The following DOCK3 variants were observed in gnomAD, a reference collection of about 807,000 sequenced individuals.
DOCK3 encodes dedicator of cytokinesis protein 3.
A neutral mutation model predicts 265.6 loss-of-function variants in DOCK3; 60 were observed. The ratio of observed to expected loss-of-function variants is 0.23; its 90% CI spans 0.18 to 0.28. The LOEUF (loss-of-function observed/expected upper bound fraction) is 0.28, where lower values mean the gene tolerates loss of function less well. Among genes scored for constraint, DOCK3 ranks in the 10% least tolerant of loss-of-function variants. DOCK3 has a pLI of 1.00. For missense variants in DOCK3, 1,981 were observed against 2,594.3 expected (o/e 0.76, Z 5.14); for synonymous variants, 881 against 938.0 (o/e 0.94, Z 1.11).
At chr3:51,342,621 G>A (rs1298946347) in intron 38 of DOCK3, among the ~76,000 whole-genome samples, 2 of 152,170 alleles carry the variant, frequency 1.3e-5, no homozygotes, top group Non-Finnish European at 2.9e-5. Flanking sequence ...TCTTTCCATG[G>A]GCACAGAGTA....
chr3:51,269,551 T>C (rs1281136530), intron 23 of DOCK3, among the ~76,000 whole-genome samples: 1 of 152,212 alleles, frequency 6.6e-6, no homozygotes, highest in Non-Finnish European at 1.5e-5. Flanking sequence ...AAGCCTGTTT[T>C]CCATGGCATA....
intron 2 of DOCK3, among the ~76,000 whole-genome samples, chr3:50,838,416 GCCTTAA>G (rs1392444856): frequency 6.6e-6 from 1 of 152,100 alleles, no homozygotes; most frequent in East Asian, 1.9e-4. Flanking sequence ...ATAAAACTTT[GCCTTAA>G]CCTTAAGTTC....
At chr3:50,712,827 C>T (rs2036858530) in intron 1 of DOCK3, among the ~76,000 whole-genome samples, 1 of 152,204 alleles carries the variant, frequency 6.6e-6, no homozygotes, top group South Asian at 2.1e-4. Flanking sequence ...TAATTTCAGC[C>T]CTTTTACATT....
intron 2 of DOCK3, among the ~76,000 whole-genome samples, chr3:50,809,273 T>C (rs888586227): frequency 6.6e-6 from 1 of 152,110 alleles, no homozygotes; most frequent in Non-Finnish European, 1.5e-5. Flanking sequence ...AAGGCTTGAG[T>C]AGGCTCCTCA....
intron 49 of DOCK3, among the ~76,000 whole-genome samples, chr3:51,370,641 G>C (rs2087605684): frequency 6.6e-6 from 1 of 152,248 alleles, no homozygotes; most frequent in Non-Finnish European, 1.5e-5. Flanking sequence ...GGTGCACTAT[G>C]TCAGTGCTGA....
intron 35 of DOCK3, among the ~76,000 whole-genome samples, chr3:51,336,665 C>G (rs2084898533): frequency 6.6e-6 from 1 of 152,142 alleles, no homozygotes; most frequent in African/African-American, 2.4e-5. Flanking sequence ...AGAAGTGATG[C>G]AGAGGTACAC....
intron 4 of DOCK3, among the ~76,000 whole-genome samples, chr3:50,915,379 T>G (rs190060714): frequency 2.0e-5 from 3 of 151,932 alleles, no homozygotes; most frequent in Non-Finnish European, 2.9e-5. Context: ...TGTTGTTTGG[T>G]CCCTGGAGGG....
intron 3 of DOCK3, among the ~76,000 whole-genome samples, chr3:50,859,931 G>C (rs2107491856): frequency 6.6e-6 from 1 of 152,208 alleles, no homozygotes; most frequent in African/African-American, 2.4e-5. Context: ...TGTACTTCTT[G>C]GCTGCCCACT....
At chr3:51,348,013 T>A (rs2085710780) in intron 38 of DOCK3, among the ~76,000 whole-genome samples, 1 of 152,230 alleles carries the variant, frequency 6.6e-6, no homozygotes, top group Admixed American at 6.5e-5. Flanking sequence ...TTGCTGAAGT[T>A]GCTTATCAGC....
chr3:50,988,345 C>T (rs917307188), intron 5 of DOCK3, among the ~76,000 whole-genome samples: 1 of 152,198 alleles, frequency 6.6e-6, no homozygotes, highest in Non-Finnish European at 1.5e-5. Context: ...ACCACCCCCC[C>T]ACAACCCCTG....
chr3:51,312,097 A>G lies in DOCK3; in HGVS notation c.3093+18A>G, dbSNP rs534306606. On this transcript the variant is annotated intron_variant, in intron 29 of 52. Coordinates refer to ENST00000266037, the MANE Select transcript of DOCK3 (RefSeq NM_004947.5). ...ACTTTAAGGTAGGCACTCCTGAAAT[A>G]TCCATCACTATTATTGCAATAACCT... 3.8e-6 allele frequency: 6 copies of G among 1,581,128 alleles called. No individual in the cohort carries two copies. In the Admixed American group the frequency reaches 8.9e-5, roughly 24 times the overall value.
chr3:50,737,030 T>C (rs892958969), intron 1 of DOCK3, among the ~76,000 whole-genome samples: 4 of 152,184 alleles, frequency 2.6e-5, no homozygotes, highest in Non-Finnish European at 4.4e-5. Flanking sequence ...GTTCGTATCC[T>C]TCGCCCACTT....
chr3:51,278,544 C>A (rs1489353264), intron 26 of DOCK3: 1 of 985,226 alleles, frequency 1.0e-6, no homozygotes, highest in Non-Finnish European at 1.2e-6. Flanking sequence ...TGTTCTGGAG[C>A]ACTGGGCTTG....
At chr3:51,357,710 G>T (rs1006250348) in intron 44 of DOCK3, 48 bp from the exon 45 acceptor site, 13 of 1,601,606 alleles carry the variant, frequency 8.1e-6, no homozygotes, top group Non-Finnish European at 1.0e-5. Context: ...CCCCACTTAA[G>T]TAGTAGTCCT....
intron 3 of DOCK3, among the ~76,000 whole-genome samples, chr3:50,864,582 A>C (rs1339505977): frequency 6.6e-6 from 1 of 152,086 alleles, no homozygotes; most frequent in Admixed American, 6.6e-5. Flanking sequence ...GCCAGGTCTT[A>C]CATTTAAGTT....
At chr3:51,257,657 G>T (rs1039672437) in intron 22 of DOCK3, among the ~76,000 whole-genome samples, 1 of 152,100 alleles carries the variant, frequency 6.6e-6, no homozygotes, top group Non-Finnish European at 1.5e-5. Context: ...GGATCTTCTT[G>T]GTGATACAAA....
intron 12 of DOCK3, 135 bp downstream of exon 12, chr3:51,160,837 G>GAAT: frequency 8.8e-7 from 1 of 1,133,572 alleles, no homozygotes; most frequent in Non-Finnish European, 1.2e-6. Flanking sequence ...AACACTTTGG[G>GAAT]AGGCCAAGGT....
At chr3:51,082,046 G>C (rs1253642486) in intron 7 of DOCK3, among the ~76,000 whole-genome samples, 1 of 151,948 alleles carries the variant, frequency 6.6e-6, no homozygotes, top group African/African-American at 2.4e-5. Context: ...GAGTTCATCA[G>C]GGAAGTGACA....
chr3:51,104,825 G>A (rs932800510), intron 9 of DOCK3, among the ~76,000 whole-genome samples: 5 of 152,138 alleles, frequency 3.3e-5, no homozygotes, highest in African/African-American at 1.2e-4. Context: ...GTCTTGCTCT[G>A]TCTCCCAGGC....
Sources: gnomAD v4.1 joint callset for allele counts (sites outside exome capture counted in the v4.1 genomes callset) on GRCh38, gnomAD v4.1.1 for gene constraint, MANE v1.5 for transcripts, NCBI Gene and HGNC (gene_info 2026-07-23, HGNC 2026-07-21) for gene names.